GRB10: variants seen among roughly 807,000 people sequenced by gnomAD.
GRB10 encodes growth factor receptor-bound protein 10.
Under a neutral mutation model 80.9 loss-of-function variants are expected in GRB10, and 20 were observed. That is an observed-to-expected ratio of 0.25 (90% CI 0.17 to 0.36). The LOEUF (loss-of-function observed/expected upper bound fraction) is 0.36, where lower values mean the gene tolerates loss of function less well. GRB10 is among the 10% of genes least tolerant of loss of function. GRB10 has a pLI of 1.00. For missense variants in GRB10, 548 were observed against 747.7 expected, an observed-to-expected ratio of 0.73 and a Z score of 3.12; for synonymous variants, 291 against 291.5, an observed-to-expected ratio of 1.00 and a Z score of 0.02.
chr7:50,615,326 C>G (rs1218082727), intron 11 of GRB10, among the ~76,000 whole-genome samples: 2 of 152,204 alleles, frequency 1.3e-5, no homozygotes, highest in African/African-American at 4.8e-5. Flanking sequence ...CAGCCCAGCT[C>G]TGTTTCCTGC....
intron 4 of GRB10, among the ~76,000 whole-genome samples, chr7:50,720,633 T>C (rs1215056454): frequency 6.6e-6 from 1 of 152,102 alleles, no homozygotes; most frequent in East Asian, 1.9e-4. Flanking sequence ...TACAGGAATA[T>C]AAAAATATAA....
rs780986977 is a variant in GRB10, at chr7:50,592,930, T to C, written c.*22A>G. 3 of 1,613,470 alleles carry C rather than the reference T, an allele frequency of 1.9e-6. No homozygotes were observed. In the African/African-American group the frequency reaches 4.0e-5, roughly 22 times the overall value. ...CTCCAGTGTTCACTTCCTCCAGTCT[T>C]CAGCCGAGAGGACATCTGCGGTCAT... is the stretch of plus-strand genomic sequence containing the variant. On this transcript the variant is annotated 3_prime_UTR_variant, in exon 19 of 19. Transcript: ENST00000401949.
chr7:50,671,719 C>A (rs1453263200), intron 6 of GRB10, among the ~76,000 whole-genome samples: 2 of 152,264 alleles, frequency 1.3e-5, no homozygotes, highest in African/African-American at 4.8e-5. Flanking sequence ...CGGCTTCTAG[C>A]CAGTGACTTC....
chr7:50,731,563 T>C (rs1025091453), intron 4 of GRB10, among the ~76,000 whole-genome samples: 1 of 152,078 alleles, frequency 6.6e-6, no homozygotes, highest in African/African-American at 2.4e-5. Flanking sequence ...TGAACCAGGA[T>C]TCGCGAATCA....
intron 2 of GRB10, among the ~76,000 whole-genome samples, chr7:50,763,761 G>C (rs2076029592): frequency 6.6e-6 from 1 of 152,216 alleles, no homozygotes; most frequent in Non-Finnish European, 1.5e-5. Context: ...GGAAGCATCT[G>C]AGAGTCATCC....
At chr7:50,742,316 T>C (rs113229554) in intron 3 of GRB10, among the ~76,000 whole-genome samples, 71 of 131,686 alleles carry the variant, frequency 5.4e-4, no homozygotes, top group African/African-American at 1.1e-3. Context: ...CACACACACA[T>C]ACACGGCATC....
At chr7:50,608,569 T>A (rs1390981129) in intron 13 of GRB10, among the ~76,000 whole-genome samples, 1 of 152,160 alleles carries the variant, frequency 6.6e-6, no homozygotes, top group Non-Finnish European at 1.5e-5. Context: ...ATGACAAGAA[T>A]CCTTCAAAAG....
intron 5 of GRB10, among the ~76,000 whole-genome samples, chr7:50,676,381 T>G (rs1461467415): frequency 6.6e-6 from 1 of 150,936 alleles, no homozygotes; most frequent in Non-Finnish European, 1.5e-5. Context: ...ATTATCTGCT[T>G]TATAACACAG....
chr7:50,763,283 T>C (rs1372743188), intron 2 of GRB10, among the ~76,000 whole-genome samples: 2 of 152,164 alleles, frequency 1.3e-5, no homozygotes, highest in Non-Finnish European at 2.9e-5. Flanking sequence ...ATGTGAAACA[T>C]GCTAAACTTC....
upstream of GRB10, among the ~76,000 whole-genome samples, chr7:50,787,619 G>T (rs2078748695): frequency 6.6e-6 from 1 of 152,084 alleles, no homozygotes; most frequent in Admixed American, 6.5e-5. Flanking sequence ...TGCCCTGCAG[G>T]CCTAGGTGGG....
At chr7:50,725,070 C>T (rs1029863446) in intron 4 of GRB10, among the ~76,000 whole-genome samples, 1 of 152,190 alleles carries the variant, frequency 6.6e-6, no homozygotes, top group Non-Finnish European at 1.5e-5. Flanking sequence ...TGCCTGCTGC[C>T]TGCCCTACCT....
chr7:50,592,614 A>G lies in GRB10; in HGVS notation c.*338T>C. On this transcript the variant is annotated 3_prime_UTR_variant, in exon 19 of 19. Transcript: ENST00000401949. ...CAGTTTTAATTGTCAAGATTATTCC[A>G]GGGCAAGAGTTCATTTCCAATCACT... is the stretch of plus-strand genomic sequence containing the variant. The G allele has an allele frequency of 2.6e-6, 1 of 377,728 alleles. No individual in the cohort carries two copies. Among genetic ancestry groups the G allele is most frequent in the Non-Finnish European group, 5.0e-6 (1 of 201,406 alleles). The allele number at this position is 377,728 out of a possible 1,614,324, so 23.4% of individuals were successfully genotyped here. A position where few individuals can be genotyped will look rare whatever the true frequency, so the allele number is the denominator to read the frequency against.
At chr7:50,664,147 C>T (rs565276653) in intron 7 of GRB10, among the ~76,000 whole-genome samples, 29 of 152,310 alleles carry the variant, frequency 1.9e-4, no homozygotes, top group Admixed American at 1.5e-3. Context: ...CTACTTCTGC[C>T]CTGACTTCTG....
intron 7 of GRB10, among the ~76,000 whole-genome samples, chr7:50,646,235 G>T (rs1414444005): frequency 6.6e-6 from 1 of 152,190 alleles, no homozygotes; most frequent in Non-Finnish European, 1.5e-5. Context: ...AGAACGTGAG[G>T]TTACACAATG....
chr7:50,604,251 AG>A, intron 16 of GRB10, 59 bp downstream of exon 16: 5 of 1,423,506 alleles, frequency 3.5e-6, no homozygotes, highest in South Asian at 1.1e-5. Flanking sequence ...GGGGGAGTGG[AG>A]GGGGGTGCTG....
intron 3 of GRB10, among the ~76,000 whole-genome samples, chr7:50,742,956 C>T (rs1483155936): frequency 6.6e-6 from 1 of 152,126 alleles, no homozygotes; most frequent in Non-Finnish European, 1.5e-5. Flanking sequence ...ATACTCGGTT[C>T]CTCAAAATGC....
At chr7:50,758,766 T>C (rs2075398850) in intron 2 of GRB10, among the ~76,000 whole-genome samples, 1 of 152,218 alleles carries the variant, frequency 6.6e-6, no homozygotes, top group African/African-American at 2.4e-5. Context: ...AAGAGGGTGC[T>C]TATGAAGACA....
chr7:50,783,354 C>T (rs868542971), upstream of GRB10, among the ~76,000 whole-genome samples: 2 of 151,998 alleles, frequency 1.3e-5, no homozygotes, highest in African/African-American at 4.8e-5. Flanking sequence ...TGAGAGTCAG[C>T]GAGGGAAAGA....
intron 4 of GRB10, among the ~76,000 whole-genome samples, chr7:50,715,812 C>A (rs11765762): frequency 1.3e-5 from 2 of 152,010 alleles, no homozygotes; most frequent in African/African-American, 4.8e-5. Flanking sequence ...ACCCTCTCCC[C>A]CTAAATAACT....
Sources: allele counts gnomAD v4.1 joint callset (sites outside exome capture counted in the v4.1 genomes callset), GRCh38; gene constraint gnomAD v4.1.1; transcripts MANE v1.5; gene names NCBI Gene and HGNC (gene_info 2026-07-23, HGNC 2026-07-21).